Variants in BRMS1L observed in about 807,000 individuals in gnomAD.
BRMS1L encodes the protein BRMS1 like transcriptional repressor.
Under a neutral mutation model 50.3 loss-of-function variants are expected in BRMS1L, and 23 were observed. The observed-to-expected ratio is 0.46, with a 90% CI of 0.33 to 0.65. The LOEUF is 0.65. BRMS1L is among the 30% of genes least tolerant of loss of function. The probability of loss-of-function intolerance (pLI) is 0.02; values close to 1 mark genes in which losing one functional copy is unlikely to be tolerated. For missense variants in BRMS1L, 286 were observed against 386.1 expected (o/e 0.74, Z 2.17); for synonymous variants, 114 against 126.9 (o/e 0.90, Z 0.69).
At chr14:35,841,542 C>T (rs1200553826) in intron 4 of BRMS1L, among the ~76,000 whole-genome samples, 2 of 152,090 alleles carry the variant, frequency 1.3e-5, no homozygotes, top group African/African-American at 4.8e-5. Flanking sequence ...CGTGATCTGC[C>T]CGCCTTGGCC....
chr14:35,835,865 C>A (rs2077985397), intron 4 of BRMS1L, among the ~76,000 whole-genome samples: 1 of 151,916 alleles, frequency 6.6e-6, no homozygotes. Flanking sequence ...ACTACAACAA[C>A]AACAAACAAA....
intron 4 of BRMS1L, among the ~76,000 whole-genome samples, chr14:35,836,226 C>T (rs951630446): frequency 1.3e-5 from 2 of 152,184 alleles, no homozygotes; most frequent in Non-Finnish European, 2.9e-5. Flanking sequence ...GTATGCTTTG[C>T]AAATCTTTTT....
At chr14:35,834,803 C>T in intron 3 of BRMS1L, 41 bp from the exon 4 acceptor site, 1 of 1,366,268 alleles carries the variant, frequency 7.3e-7, no homozygotes, top group Non-Finnish European at 9.8e-7. Flanking sequence ...AATGGAACTT[C>T]TCATTGCTAA....
intron 8 of BRMS1L, chr14:35,867,695 G>A (rs111690534): frequency 3.2e-6 from 1 of 311,636 alleles, no homozygotes; most frequent in African/African-American, 2.2e-5. Context: ...TCATTGTTTA[G>A]CTTTGTTTAG....
intron 4 of BRMS1L, among the ~76,000 whole-genome samples, chr14:35,835,284 G>A (rs1421901683): frequency 1.3e-5 from 2 of 152,310 alleles, no homozygotes; most frequent in East Asian, 3.9e-4. Flanking sequence ...TTGGGCTATA[G>A]AATTAGTTTC....
chr14:35,826,813 G>A (rs1195572297), intron 1 of BRMS1L, 155 bp downstream of exon 1: 3 of 1,079,846 alleles, frequency 2.8e-6, no homozygotes, highest in African/African-American at 3.3e-5. Context: ...CACCCTGACC[G>A]GTCGCTGGGC....
At position 35,832,998 on chromosome 14, in the gene BRMS1L, G is replaced by A. The variant is rs200116011; in HGVS notation, c.254G>A (p.Ser85Asn). 160 of 1,612,676 alleles carry A rather than the reference G, an allele frequency of 9.9e-5. No individual in the cohort carries two copies. Among genetic ancestry groups the A allele is most frequent in the Non-Finnish European group, 1.2e-4 (145 of 1,179,172 alleles). The change falls in exon 3 of 10, where the codon AGT (serine) becomes AAT (asparagine). Residue 85 changes from serine to asparagine, a missense_variant. Transcript: ENST00000216807. ...TTAAGACTTTATAAAGAACGATTAA[G>A]TCAGGTGGATGCAAAACTACAAGAA... ...LKDQLYKERL[S>N]QVDAKLQEVI...
intron 4 of BRMS1L, among the ~76,000 whole-genome samples, chr14:35,856,613 G>GGA (rs2078283020): frequency 6.6e-6 from 1 of 150,646 alleles, no homozygotes; most frequent in African/African-American, 2.5e-5. Context: ...CATTTTTTTG[G>GGA]GGGGGGGTTT....
chr14:35,853,655 G>A (rs1357926986), intron 4 of BRMS1L, among the ~76,000 whole-genome samples: 1 of 152,006 alleles, frequency 6.6e-6, no homozygotes, highest in Non-Finnish European at 1.5e-5. Context: ...TTGAGCTCCT[G>A]GGCTCAAGTG....
intron 4 of BRMS1L, among the ~76,000 whole-genome samples, chr14:35,857,247 A>AT (rs1566426620): frequency 3.4e-5 from 5 of 146,458 alleles, no homozygotes; most frequent in Admixed American, 2.1e-4. Flanking sequence ...TCTCAAAAAA[A>AT]AAAATATATA....
intron 4 of BRMS1L, among the ~76,000 whole-genome samples, chr14:35,861,449 T>A (rs902747118): frequency 1.3e-5 from 2 of 152,184 alleles, no homozygotes; most frequent in South Asian, 4.1e-4. Context: ...TTCTCTGATA[T>A]TTTCCGAGTT....
chr14:35,857,358 T>C (rs1257441428), intron 4 of BRMS1L, among the ~76,000 whole-genome samples: 2 of 151,770 alleles, frequency 1.3e-5, no homozygotes, highest in Non-Finnish European at 2.9e-5. Context: ...TTTGAAGGCA[T>C]AGCCTTATAA....
intron 5 of BRMS1L, 113 bp downstream of exon 5, chr14:35,862,799 C>T: frequency 2.0e-6 from 1 of 494,662 alleles, no homozygotes; most frequent in Non-Finnish European, 3.3e-6. Context: ...TGAAATGTCC[C>T]AGCAAAGGAG....
chr14:35,857,803 A>G (rs2078300272), intron 4 of BRMS1L, among the ~76,000 whole-genome samples: 1 of 151,786 alleles, frequency 6.6e-6, no homozygotes, highest in Admixed American at 6.6e-5. Flanking sequence ...TATTTTTTTA[A>G]ACTTTGGAAT....
chr14:35,847,683 A>G (rs571363112), intron 4 of BRMS1L, among the ~76,000 whole-genome samples: 2 of 152,314 alleles, frequency 1.3e-5, no homozygotes, highest in Admixed American at 6.5e-5. Flanking sequence ...ATCATCTGGC[A>G]TACTGAAACT....
In BRMS1L at chr14:35,871,866, A is replaced by G. The variant is rs975497087; in HGVS notation, c.*1389A>G. On this transcript the variant is annotated 3_prime_UTR_variant, in exon 10 of 10. Transcript: ENST00000216807. ...GTACATAATGTCAAAACCCAATAGT[A>G]TTTGACAGTACTTATGTATACAATG... 2.0e-5 allele frequency: 3 copies of G among 152,658 alleles called. No individual in the cohort carries two copies. The highest frequency in any genetic ancestry group is 4.4e-5 in the Non-Finnish European group (3 of 68,048). The allele number at this position is 152,658 out of a possible 1,614,324, so 9.5% of individuals were successfully genotyped here. A position where few individuals can be genotyped will look rare whatever the true frequency, so the allele number is the denominator to read the frequency against.
intron 5 of BRMS1L, among the ~76,000 whole-genome samples, chr14:35,863,380 A>G (rs1218394825): frequency 1.3e-5 from 2 of 152,090 alleles, no homozygotes; most frequent in Non-Finnish European, 2.9e-5. Context: ...ACAGTTCTTG[A>G]GTATATATTA....
In BRMS1L at chr14:35,867,943, A is replaced by T. The variant is rs753407554; in HGVS notation, c.765A>T (p.Arg255Ser). The change falls in exon 9 of 10, where the codon AGA becomes AGT. Residue 255 changes from arginine (R) to serine (S), a missense_variant. Transcript: ENST00000216807. Reference sequence around the variant, plus strand: ...TGGAAAAACATCTGCACAGTGCTAGATCTGAAGAGGGAAGACTATATTATG... The same window carrying T: ...TGGAAAAACATCTGCACAGTGCTAGTTCTGAAGAGGGAAGACTATATTATG... ...VKLEKHLHSA[R>S]SEEGRLYYDG... The T allele has an allele frequency of 6.2e-7, 1 of 1,612,572 alleles. No homozygotes were observed.
chr14:35,834,997 G>T, intron 4 of BRMS1L, 74 bp downstream of exon 4: 3 of 972,706 alleles, frequency 3.1e-6, no homozygotes, highest in Non-Finnish European at 2.9e-6. Context: ...AGTTAAAAAA[G>T]TAAACTAAGT....
Sources: allele counts gnomAD v4.1 joint callset (sites outside exome capture counted in the v4.1 genomes callset), GRCh38; gene constraint gnomAD v4.1.1; transcripts MANE v1.5; gene names NCBI Gene and HGNC (gene_info 2026-07-23, HGNC 2026-07-21).